TMEM170A: variants seen among roughly 807,000 people sequenced by gnomAD.
TMEM170A encodes transmembrane protein 170.
TMEM170A carries 18 observed loss-of-function variants against 12.8 expected under a neutral mutation model. The observed-to-expected ratio is 1.41, with a 90% CI of 0.97 to 2.09. The LOEUF is 2.09. Among genes scored for constraint, TMEM170A ranks in the 30% most tolerant of loss-of-function variants. The pLI, the probability that TMEM170A is intolerant of heterozygous loss-of-function variation, is 0.00. For missense variants in TMEM170A, 220 were observed against 179.9 expected (o/e 1.22, Z -1.28); for synonymous variants, 107 against 76.2 (o/e 1.40, Z -2.11).
chr16:75,462,198 A>T (rs1187361879), intron 1 of TMEM170A, among the ~76,000 whole-genome samples: 1 of 152,220 alleles, frequency 6.6e-6, no homozygotes, highest in Non-Finnish European at 1.5e-5. Flanking sequence ...AGTATTATCA[A>T]TGAAGATACA....
rs13338266 is a variant in TMEM170A, at chr16:75,456,310, C to T, written c.134-4471G>A. Among the ~76,000 whole-genome samples, 891 of 152,130 alleles carry T rather than the reference C, an allele frequency of 5.9e-3. 7 individuals carry two copies. The highest frequency in any genetic ancestry group is 0.02 in the African/African-American group (842 of 41,512). The stretch of plus-strand genomic sequence containing the variant: ...GCTTATTAAAAATAACAAATGAGGC[C>T]GGGCACAGTGGGTCACATCTGTAAT... On this transcript the variant is annotated intron_variant, in intron 1 of 2. Transcript: ENST00000561878.
intron 1 of TMEM170A, among the ~76,000 whole-genome samples, chr16:75,453,906 G>C (rs2079734716): frequency 1.3e-5 from 2 of 152,222 alleles, no homozygotes; most frequent in African/African-American, 4.8e-5. Context: ...TTTACAATTT[G>C]TTAAATGGCC....
chr16:75,447,790 G>T (rs1456235105), intron 2 of TMEM170A, 102 bp from the exon 3 acceptor site: 3 of 1,272,178 alleles, frequency 2.4e-6, no homozygotes, highest in East Asian at 2.5e-5. Context: ...GAATGTTCCA[G>T]ATTTTATACT....
intron 1 of TMEM170A, chr16:75,459,912 T>C (rs12918797): frequency 0.56 from 85,659 of 152,146 alleles, 25,202 homozygotes; most frequent in Admixed American, 0.69. Flanking sequence ...TTGGGCTATC[T>C]TGATACTAAT....
chr16:75,461,799 C>G (rs1030888703), intron 1 of TMEM170A, among the ~76,000 whole-genome samples: 1 of 152,114 alleles, frequency 6.6e-6, no homozygotes, highest in African/African-American at 2.4e-5. Context: ...CTCTGGTAAT[C>G]GACATCACAA....
intron 1 of TMEM170A, among the ~76,000 whole-genome samples, chr16:75,455,175 G>A (rs1243518561): frequency 6.6e-6 from 1 of 152,090 alleles, no homozygotes. Flanking sequence ...GGCTAACACG[G>A]TAAAACCCCG....
chr16:75,455,965 ACT>A lies in TMEM170A; in HGVS notation c.134-4128_134-4127del, dbSNP rs1414230312. Among the ~76,000 whole-genome samples, 6 of 151,896 alleles carry A rather than the reference ACT, an allele frequency of 4.0e-5. No individual in the cohort carries two copies. The South Asian group carries it at 1.0e-3, about 26-fold the overall frequency. On this transcript the variant is annotated intron_variant, in intron 1 of 2. Coordinates refer to ENST00000561878, the MANE Select transcript of TMEM170A (RefSeq NM_145254.3). ...GAAGCTGTATTAGCACTGTAAGCAC[ACT>A]GTTAGTGTGTGTGTTTTTTCCCCCA...
In TMEM170A at chr16:75,445,107, T is replaced by C. The variant is rs1486701200; in HGVS notation, c.*2451A>G. The C allele has an allele frequency of 6.6e-6, 1 of 152,198 alleles. No homozygotes were observed. Among genetic ancestry groups the C allele is most frequent in the Non-Finnish European group, 1.5e-5 (1 of 68,028 alleles). The allele number at this position is 152,198 out of a possible 1,614,324, so 9.4% of individuals were successfully genotyped here. A position where few individuals can be genotyped will look rare whatever the true frequency, so the allele number is the denominator to read the frequency against. ...CATTTCCCATAAGAAAAGTTACCAATTCCCCAGATTTCTTAAACTGAAGGG... is the reference window on the plus strand; with the variant it reads ...CATTTCCCATAAGAAAAGTTACCAACTCCCCAGATTTCTTAAACTGAAGGG... On this transcript the variant is annotated 3_prime_UTR_variant, in exon 3 of 3. Transcript: ENST00000561878.
chr16:75,450,205 A>C (rs902575200), intron 2 of TMEM170A, among the ~76,000 whole-genome samples: 1 of 151,412 alleles, frequency 6.6e-6, no homozygotes, highest in Non-Finnish European at 1.5e-5. Flanking sequence ...AAAACACCTC[A>C]AGTCAAAGAC....
At chr16:75,453,410 G>T (rs1032386589) in intron 1 of TMEM170A, among the ~76,000 whole-genome samples, 6 of 152,088 alleles carry the variant, frequency 3.9e-5, no homozygotes, top group South Asian at 2.1e-4. Flanking sequence ...CTCCTGCCTG[G>T]GCAACAGGGT....
At chr16:75,449,813 G>C (rs2079650888) in intron 2 of TMEM170A, among the ~76,000 whole-genome samples, 2 of 152,182 alleles carry the variant, frequency 1.3e-5, no homozygotes, top group African/African-American at 4.8e-5. Flanking sequence ...ACACAAGAAA[G>C]ACTGGGTTGG....
At chr16:75,458,669 T>C (rs1042074462) in intron 1 of TMEM170A, 7 of 152,198 alleles carry the variant, frequency 4.6e-5, no homozygotes, top group African/African-American at 1.4e-4. Flanking sequence ...CTGACCTTCA[T>C]AACTGTAAGA....
rs192943782 is a variant in TMEM170A at position 75,446,536 on chromosome 16, C to A, written c.*1022G>T. On this transcript the variant is annotated 3_prime_UTR_variant, in exon 3 of 3. Coordinates refer to ENST00000561878, the MANE Select transcript of TMEM170A (RefSeq NM_145254.3). The stretch of plus-strand genomic sequence containing the variant: ...TTTAGGCACTTTCTGGGAGTTGATA[C>A]CCAATACTGTAAAAGTGGGCTGAAG... The A allele has an allele frequency of 6.6e-6, 1 of 152,174 alleles. No homozygotes were observed. Among genetic ancestry groups the A allele is most frequent in the East Asian group, 1.9e-4 (1 of 5,188 alleles). 9.4% of individuals were successfully genotyped at this position (152,174 alleles called of 1,614,324 possible). A position where few individuals can be genotyped will look rare whatever the true frequency, so the allele number is the denominator to read the frequency against.
At chr16:75,455,458 T>C (rs2079775680) in intron 1 of TMEM170A, among the ~76,000 whole-genome samples, 1 of 151,298 alleles carries the variant, frequency 6.6e-6, no homozygotes, top group Non-Finnish European at 1.5e-5. Context: ...TAGAATAAGA[T>C]CCTGTTTTTG....
chr16:75,453,565 T>A (rs1480818033), intron 1 of TMEM170A, among the ~76,000 whole-genome samples: 1 of 152,246 alleles, frequency 6.6e-6, no homozygotes, highest in East Asian at 1.9e-4. Flanking sequence ...GATCACTCAG[T>A]CTTCTAAAAT....
In TMEM170A at chr16:75,447,513, G is replaced by T. The variant is rs9923279; in HGVS notation, c.*45C>A. 3.1e-3 allele frequency: 4,846 copies of T among 1,567,480 alleles called. 126 individuals carry two copies. The African/African-American group carries it at 0.057, about 18-fold the overall frequency. ...CACTCCATAATGTATTCTTTTGGAG[G>T]ATTCCATAAAGTTTAAGTTCAACAT... On this transcript the variant is annotated 3_prime_UTR_variant, in exon 3 of 3. Transcript: ENST00000561878.
At chr16:75,464,262 C>A (rs1234105987) in intron 1 of TMEM170A, 14 of 1,496,004 alleles carry the variant, frequency 9.4e-6, no homozygotes, top group Non-Finnish European at 1.2e-5. Flanking sequence ...TCACGCCCAG[C>A]GGGACTCCGG....
intron 1 of TMEM170A, among the ~76,000 whole-genome samples, chr16:75,454,592 A>C (rs1183595602): frequency 6.6e-6 from 1 of 152,086 alleles, no homozygotes; most frequent in African/African-American, 2.4e-5. Flanking sequence ...CTCAGATCAC[A>C]CCACTGCACT....
chr16:75,450,808 A>C (rs2079667871), intron 2 of TMEM170A, among the ~76,000 whole-genome samples: 1 of 152,050 alleles, frequency 6.6e-6, no homozygotes, highest in South Asian at 2.1e-4. Flanking sequence ...ACAGGTACAC[A>C]CCACCACACT....
Sources: allele counts gnomAD v4.1 joint callset (sites outside exome capture counted in the v4.1 genomes callset), GRCh38; gene constraint gnomAD v4.1.1; transcripts MANE v1.5; gene names NCBI Gene and HGNC (gene_info 2026-07-23, HGNC 2026-07-21).